The following SPATA6L variants were observed in gnomAD, a reference collection of about 807,000 sequenced individuals.
SPATA6L encodes the protein spermatogenesis associated 6 like, also known as spermatogenesis associated 6-like protein.
A neutral mutation model predicts 49.2 loss-of-function variants in SPATA6L; 68 were observed. The ratio of observed to expected loss-of-function variants is 1.38; its 90% confidence interval spans 1.14 to 1.69. The LOEUF is 1.69. Among genes scored for constraint, SPATA6L ranks in the 40% most tolerant of loss-of-function variants. The pLI is 0.00. For missense variants in SPATA6L, 668 were observed against 464.3 expected, an observed-to-expected ratio of 1.44 and a Z score of -4.03; for synonymous variants, 198 against 165.7, an observed-to-expected ratio of 1.19 and a Z score of -1.50.
chr9:4,626,907 A>T (rs1830454739), intron 5 of SPATA6L: 1 of 164,616 alleles, frequency 6.1e-6, no homozygotes, highest in African/African-American at 2.4e-5. Context: ...CGTGATCTCA[A>T]TCTTTTTTAA....
At chr9:4,624,624 A>C (rs936216434) in intron 6 of SPATA6L, among the ~76,000 whole-genome samples, 2 of 151,304 alleles carry the variant, frequency 1.3e-5, no homozygotes, top group Non-Finnish European at 2.9e-5. Context: ...GCTACTCAGG[A>C]GGCTGAGGCA....
Position 4,599,995 on chromosome 9 carries a change from C to T in SPATA6L, c.*816G>A, listed in dbSNP as rs1414537781. Among the ~76,000 whole-genome samples the T allele has an allele frequency of 2.0e-5, 3 of 152,186 alleles. No individual in the cohort carries two copies. Among genetic ancestry groups the T allele is most frequent in the Admixed American group, 2.0e-4 (3 of 15,280 alleles). On this transcript the variant is annotated 3_prime_UTR_variant, in exon 12 of 12. Coordinates refer to ENST00000682582, the MANE Select transcript of SPATA6L (RefSeq NM_001353486.2). ...CCCAGCCCCTTCCTATTCCTGCTCC[C>T]TCACACTGTGTAAGCATTTCATAGA...
chr9:4,647,960 G>T (rs994662386), intron 3 of SPATA6L, among the ~76,000 whole-genome samples: 1 of 151,652 alleles, frequency 6.6e-6, no homozygotes, highest in Non-Finnish European at 1.5e-5. Flanking sequence ...TCAGCCTCTC[G>T]AGTAGCTGGG....
intron 3 of SPATA6L, among the ~76,000 whole-genome samples, chr9:4,648,044 A>C (rs1267530570): frequency 2.0e-5 from 3 of 152,148 alleles, no homozygotes; most frequent in African/African-American, 7.2e-5. Context: ...CATGTTGGCC[A>C]GGCTGGTCTC....
At chr9:4,660,679 G>A (rs1839436455) in intron 2 of SPATA6L, among the ~76,000 whole-genome samples, 1 of 152,180 alleles carries the variant, frequency 6.6e-6, no homozygotes, top group Admixed American at 6.5e-5. Flanking sequence ...TCCCATTACT[G>A]GGTATATACC....
chr9:4,605,947 T>G (rs57970609), intron 9 of SPATA6L, among the ~76,000 whole-genome samples: 5,682 of 152,068 alleles, frequency 0.037, 204 homozygotes, highest in African/African-American at 0.095. Flanking sequence ...CAGGCCAGTG[T>G]GTGCGCGCAC....
rs1840854458 is a variant in SPATA6L, at chr9:4,666,277, G to A, written c.-27C>T. The A allele has an allele frequency of 1.9e-6, 3 of 1,613,778 alleles. No individual in the cohort carries two copies. Among genetic ancestry groups the A allele is most frequent in the Admixed American group, 1.7e-5 (1 of 60,018 alleles). On this transcript the variant is annotated 5_prime_UTR_variant, in exon 1 of 12. Transcript: ENST00000682582. ...GTTCCCTGCGTGGGCGAAAGGACTG[G>A]AATGAGAAGATCCTTTTGTGCCGAG...
chr9:4,666,413 C>G lies in SPATA6L; in HGVS notation c.-163G>C, dbSNP rs957372265. 5.7e-6 allele frequency: 4 copies of G among 705,688 alleles called. No individual in the cohort carries two copies. In the African/African-American group the frequency reaches 7.1e-5, roughly 13 times the overall value. The allele number at this position is 705,688 out of a possible 1,614,324, so 43.7% of individuals were successfully genotyped here. A position where few individuals can be genotyped will look rare whatever the true frequency, so the allele number is the denominator to read the frequency against. ...ACCGTCCCCCCCAGCCCAGGTCCCT[C>G]CCACCGGGACGGGTCTCTCACACTC... On this transcript the variant is annotated 5_prime_UTR_variant, in exon 1 of 12. Transcript: ENST00000682582.
At chr9:4,615,995 G>A (rs2130325167) in intron 9 of SPATA6L, among the ~76,000 whole-genome samples, 1 of 152,292 alleles carries the variant, frequency 6.6e-6, no homozygotes, top group East Asian at 1.9e-4. Context: ...TTAAAAGGTT[G>A]AAGCCAGGCA....
chr9:4,643,729 G>T (rs947883940), intron 3 of SPATA6L, among the ~76,000 whole-genome samples: 1 of 152,046 alleles, frequency 6.6e-6, no homozygotes, highest in African/African-American at 2.4e-5. Context: ...TGTAGGCCGG[G>T]GGCAGTGGCT....
intron 9 of SPATA6L, among the ~76,000 whole-genome samples, chr9:4,606,290 C>G (rs1226731059): frequency 7.0e-6 from 1 of 143,734 alleles, no homozygotes; most frequent in Non-Finnish European, 1.5e-5. Context: ...CTGGGTGGAG[C>G]CCACCACAGC....
At chr9:4,621,365 A>AATAATAC in intron 7 of SPATA6L, among the ~76,000 whole-genome samples, 1 of 152,336 alleles carries the variant, frequency 6.6e-6, no homozygotes, top group Admixed American at 6.5e-5. Context: ...CTGTTTTCAT[A>AATAATAC]ATAATACTAA....
At chr9:4,655,026 C>T (rs1375769130) in intron 3 of SPATA6L, among the ~76,000 whole-genome samples, 2 of 152,140 alleles carry the variant, frequency 1.3e-5, no homozygotes, top group Non-Finnish European at 2.9e-5. Context: ...CAATATGACC[C>T]AGCAATTTCA....
intron 5 of SPATA6L, chr9:4,626,298 A>G: frequency 9.3e-7 from 1 of 1,070,248 alleles, no homozygotes; most frequent in Non-Finnish European, 1.2e-6. Context: ...TATCAGCGGC[A>G]GCTGACCAGA....
In SPATA6L at chr9:4,633,526, A is replaced by T. The variant is rs752666842; in HGVS notation, c.351+1749T>A. 105 of 182,968 alleles carry T rather than the reference A, an allele frequency of 5.7e-4. 1 individual carries two copies. The highest frequency in any genetic ancestry group is 9.1e-4 in the Non-Finnish European group (75 of 82,706). 11.3% of individuals were successfully genotyped at this position (182,968 alleles called of 1,614,324 possible). On this transcript the variant is annotated intron_variant, in intron 4 of 11. Coordinates refer to ENST00000682582, the MANE Select transcript of SPATA6L (RefSeq NM_001353486.2). ...AATAAAGCCCTTAAACAAAGAAGGT[A>T]AGAAACCTAGAACCAAAGCACCCAA...
intron 13 of SPATA6L, among the ~76,000 whole-genome samples, chr9:4,590,124 A>G (rs997915698): frequency 3.3e-5 from 5 of 152,146 alleles, no homozygotes; most frequent in African/African-American, 4.8e-5. Flanking sequence ...GGGTTTCACC[A>G]TGTCGGCCAG....
chr9:4,632,317 C>G (rs1050491398), intron 4 of SPATA6L, among the ~76,000 whole-genome samples: 3 of 151,768 alleles, frequency 2.0e-5, no homozygotes, highest in African/African-American at 7.3e-5. Context: ...AGCTGAAGGC[C>G]GGGCACAGTG....
intron 3 of SPATA6L, among the ~76,000 whole-genome samples, chr9:4,649,926 C>A (rs1836411152): frequency 6.6e-6 from 1 of 152,118 alleles, no homozygotes; most frequent in Admixed American, 6.5e-5. Context: ...AATCAGTGTT[C>A]TTACAGATGT....
intron 13 of SPATA6L, among the ~76,000 whole-genome samples, chr9:4,590,696 A>T (rs1821850948): frequency 3.9e-5 from 6 of 152,194 alleles, no homozygotes; most frequent in Admixed American, 3.9e-4. Context: ...CCGCGGGGAC[A>T]ACTCCAGGAT....
Sources: gnomAD v4.1 joint callset for allele counts (sites outside exome capture counted in the v4.1 genomes callset) on GRCh38, gnomAD v4.1.1 for gene constraint, MANE v1.5 for transcripts, NCBI Gene and HGNC (gene_info 2026-07-23, HGNC 2026-07-21) for gene names.